Variants in DNA2 observed in about 807,000 individuals in gnomAD.
DNA2 encodes the protein DNA replication helicase/nuclease 2.
In DNA2, 101 loss-of-function variants were observed where a neutral mutation model predicts 119.1. That is an observed-to-expected ratio of 0.85 (90% CI 0.72 to 1.00). DNA2 has a LOEUF of 1.00. DNA2 is among the 50% of genes least tolerant of loss of function. The pLI is 0.00. For synonymous variants in DNA2, 366 were observed against 424.4 expected (o/e 0.86, Z 1.69); for missense variants, 1,121 against 1,255.5 (o/e 0.89, Z 1.62).
chr10:68,452,137 C>T (rs1189634502), intron 5 of DNA2, among the ~76,000 whole-genome samples: 2 of 152,016 alleles, frequency 1.3e-5, no homozygotes, highest in Non-Finnish European at 2.9e-5. Context: ...GGGTAGAGTG[C>T]AGTGGCATGA....
chr10:68,452,112 T>A (rs540087102), intron 5 of DNA2, among the ~76,000 whole-genome samples: 1 of 152,268 alleles, frequency 6.6e-6, no homozygotes, highest in African/African-American at 2.4e-5. Flanking sequence ...AGACAGGGTC[T>A]CTCTCTGTTG....
At chr10:68,417,391 C>CAA (rs35777569) in intron 19 of DNA2, among the ~76,000 whole-genome samples, 26,530 of 77,658 alleles carry the variant, frequency 0.34, 4,128 homozygotes, top group Non-Finnish European at 0.4. Context: ...ATAAGAAAAC[C>CAA]AAAAAAAAAA....
chr10:68,426,695 C>G (rs143627689), intron 14 of DNA2, among the ~76,000 whole-genome samples: 4 of 151,500 alleles, frequency 2.6e-5, no homozygotes, highest in South Asian at 4.2e-4. Flanking sequence ...AAAAATTAGC[C>G]GGGCATGGTG....
upstream of DNA2, chr10:68,472,139 A>C: frequency 7.1e-7 from 1 of 1,401,814 alleles, no homozygotes. Context: ...AGCAGACTAA[A>C]CGCTCCTGCC....
At chr10:68,455,814 C>G (rs1189942876) in intron 5 of DNA2, among the ~76,000 whole-genome samples, 3 of 151,080 alleles carry the variant, frequency 2.0e-5, no homozygotes, top group African/African-American at 7.3e-5. Flanking sequence ...GAGCGAGACT[C>G]CATCTCAAAA....
chr10:68,424,440 G>A (rs1299349233), intron 14 of DNA2: 3 of 525,158 alleles, frequency 5.7e-6, no homozygotes, highest in Non-Finnish European at 1.0e-5. Flanking sequence ...GGAGGTCGAG[G>A]CTGCAGTGAG....
chr10:68,447,229 C>T (rs770781545), intron 6 of DNA2, among the ~76,000 whole-genome samples: 2 of 151,922 alleles, frequency 1.3e-5, no homozygotes, highest in African/African-American at 2.4e-5. Context: ...AAAAATTACC[C>T]GGGCACGGCT....
At chr10:68,458,552 A>AAG (rs2052215425) in intron 5 of DNA2, among the ~76,000 whole-genome samples, 1 of 151,940 alleles carries the variant, frequency 6.6e-6, no homozygotes, top group Non-Finnish European at 1.5e-5. Context: ...AAAAAAAAAA[A>AAG]AAGAAGAAGA....
chr10:68,466,927 G>A (rs1230396673), intron 3 of DNA2, among the ~76,000 whole-genome samples: 1 of 151,982 alleles, frequency 6.6e-6, no homozygotes, highest in Non-Finnish European at 1.5e-5. Flanking sequence ...AGTAGCTCAT[G>A]CCTATAGTCC....
At chr10:68,463,117 G>A (rs950385638) in intron 4 of DNA2, among the ~76,000 whole-genome samples, 3 of 150,494 alleles carry the variant, frequency 2.0e-5, no homozygotes, top group Non-Finnish European at 4.4e-5. Context: ...GGGCGACAGA[G>A]CCAGATTCAA....
intron 14 of DNA2, among the ~76,000 whole-genome samples, chr10:68,429,404 C>T (rs1389629910): frequency 1.3e-5 from 2 of 151,840 alleles, no homozygotes; most frequent in Non-Finnish European, 2.9e-5. Context: ...ATTAGCAGGA[C>T]GTGGTCAGGC....
chr10:68,424,405 G>A (rs2051707173), intron 14 of DNA2, among the ~76,000 whole-genome samples: 1 of 151,660 alleles, frequency 6.6e-6, no homozygotes, highest in African/African-American at 2.4e-5. Context: ...TTGGAGGGCT[G>A]AGGCAGGAGG....
intron 4 of DNA2, among the ~76,000 whole-genome samples, chr10:68,464,330 T>C (rs2052298536): frequency 6.6e-6 from 1 of 150,978 alleles, no homozygotes; most frequent in African/African-American, 2.4e-5. Flanking sequence ...CTGGCCAACA[T>C]GGTTAAACCC....
intron 15 of DNA2, 45 bp downstream of exon 15, chr10:68,422,652 T>C (rs1054158622): frequency 1.6e-5 from 26 of 1,613,270 alleles, no homozygotes; most frequent in Non-Finnish European, 2.2e-5. Flanking sequence ...AATCTGTTCC[T>C]TGAAAATAAT....
At position 68,434,954 on chromosome 10, in the gene DNA2, A is replaced by G. The variant is rs7100695; in HGVS notation, c.1646+2057T>C. Among the ~76,000 whole-genome samples, 1,315 of 152,340 alleles carry G rather than the reference A, an allele frequency of 8.6e-3. 29 individuals are homozygous for G. The highest frequency in any genetic ancestry group is 0.03 in the African/African-American group (1,265 of 41,582). On this transcript the variant is annotated intron_variant, in intron 10 of 20. Coordinates refer to ENST00000358410, the MANE Select transcript of DNA2 (RefSeq NM_001080449.3). The stretch of plus-strand genomic sequence containing the variant: ...TTAAGAAATGGTCGGGCATGCCCGT[A>G]TTAACTGTAAGAAATGCTGGAAAAC...
chr10:68,450,317 C>A, intron 5 of DNA2, 70 bp from the exon 6 acceptor site: 1 of 1,153,000 alleles, frequency 8.7e-7, no homozygotes. Context: ...CTGGCTCTGA[C>A]TGCCTATTAC....
chr10:68,462,848 G>C (rs1028816367), intron 4 of DNA2, among the ~76,000 whole-genome samples: 1 of 152,178 alleles, frequency 6.6e-6, no homozygotes, highest in African/African-American at 2.4e-5. Context: ...TAAAGTATAG[G>C]CTGGGCATGG....
rs796491345 is a variant in DNA2 at position 68,436,003 on chromosome 10, A to C, written c.1646+1008T>G. On this transcript the variant is annotated intron_variant, in intron 10 of 20. Coordinates refer to ENST00000358410, the MANE Select transcript of DNA2 (RefSeq NM_001080449.3). ...CATCACTATGGAACATAATGTACTAAACAAAACTTTAGCAGTTTGGTAGTT... is the reference window on the plus strand; with the variant it reads ...CATCACTATGGAACATAATGTACTACACAAAACTTTAGCAGTTTGGTAGTT... Among the ~76,000 whole-genome samples, 25 of 152,318 alleles carry C rather than the reference A, an allele frequency of 1.6e-4. 3 individuals are homozygous for C. Among genetic ancestry groups the C allele is most frequent in the African/African-American group, 6.0e-4 (25 of 41,564 alleles).
At chr10:68,426,938 G>A (rs2051749805) in intron 14 of DNA2, among the ~76,000 whole-genome samples, 1 of 152,142 alleles carries the variant, frequency 6.6e-6, no homozygotes, top group African/African-American at 2.4e-5. Context: ...GAAAATACCT[G>A]CAAACCACAT....
Sources: allele counts gnomAD v4.1 joint callset (sites outside exome capture counted in the v4.1 genomes callset), GRCh38; gene constraint gnomAD v4.1.1; transcripts MANE v1.5; gene names NCBI Gene and HGNC (gene_info 2026-07-23, HGNC 2026-07-21).